The following KSR1 variants were observed in gnomAD, a reference collection of about 807,000 sequenced individuals.
KSR1 encodes the protein kinase suppressor of ras.
Under a neutral mutation model 92.9 loss-of-function variants are expected in KSR1, and 35 were observed. That is an observed-to-expected ratio of 0.38 (90% CI 0.29 to 0.50). The LOEUF (loss-of-function observed/expected upper bound fraction) is 0.50, where lower values mean the gene tolerates loss of function less well. KSR1 is among the 20% of genes least tolerant of loss of function. The pLI is 0.94. For synonymous variants in KSR1, 467 were observed against 472.6 expected (o/e 0.99, Z 0.15); for missense variants, 972 against 1,158.5 (o/e 0.84, Z 2.34).
chr17:27,527,249 C>T, intron 1 of KSR1: 1 of 215,030 alleles, frequency 4.7e-6, no homozygotes, highest in Non-Finnish European at 9.7e-6. Flanking sequence ...CCCTGGCCGC[C>T]AGCTATCCTG....
chr17:27,583,261 T>C lies in KSR1; in HGVS notation c.980+156T>C, dbSNP rs190099848. ...TTTCAGTCCATTCCTCAGACTACTTTAGTGGTGTGGGCTGAATCCTTCTAG... is the reference window on the plus strand; with the variant it reads ...TTTCAGTCCATTCCTCAGACTACTTCAGTGGTGTGGGCTGAATCCTTCTAG... On this transcript the variant is annotated intron_variant, in intron 4 of 20. Coordinates refer to ENST00000644974, the MANE Select transcript of KSR1 (RefSeq NM_001394583.1). Among the ~76,000 whole-genome samples, 18 of 152,370 alleles carry C rather than the reference T, an allele frequency of 1.2e-4. No individual in the cohort carries two copies. In the East Asian group the frequency reaches 3.3e-3, roughly 28 times the overall value.
chr17:27,617,651 C>A (rs567893034), intron 19 of KSR1: 21 of 503,508 alleles, frequency 4.2e-5, no homozygotes, highest in Non-Finnish European at 6.5e-5. Flanking sequence ...CCTCAGCCTC[C>A]CGAGTAGCTG....
In KSR1 at chr17:27,456,467, T is replaced by G. The variant is rs2019161922; in HGVS notation, c.-177T>G. 5.2e-6 allele frequency: 2 copies of G among 385,256 alleles called. No individual in the cohort carries two copies. The highest frequency in any genetic ancestry group is 9.1e-6 in the Non-Finnish European group (2 of 219,676). The allele number at this position is 385,256 out of a possible 1,614,324, so 23.9% of individuals were successfully genotyped here. ...CGTCGGGTCGCCGCGGCTTTCGCTT[T>G]GCTGCCGCGGCTGGGAGGGTGGAAG... On this transcript the variant is annotated 5_prime_UTR_variant, in exon 1 of 21. Transcript: ENST00000644974.
At chr17:27,491,603 A>T (rs1167033481) in intron 1 of KSR1, among the ~76,000 whole-genome samples, 1 of 152,104 alleles carries the variant, frequency 6.6e-6, no homozygotes, top group African/African-American at 2.4e-5. Context: ...TTTACTTTAT[A>T]GTTTTCCCCT....
At chr17:27,541,880 C>T (rs1401062052) in intron 1 of KSR1, among the ~76,000 whole-genome samples, 1 of 152,172 alleles carries the variant, frequency 6.6e-6, no homozygotes, top group African/African-American at 2.4e-5. Flanking sequence ...AGGCTGGACT[C>T]GATGGCAGGC....
Position 27,603,900 on chromosome 17 carries a change from T to G in KSR1, c.1565+12T>G. On this transcript the variant is annotated intron_variant, in intron 12 of 20. Coordinates refer to ENST00000644974, the MANE Select transcript of KSR1 (RefSeq NM_001394583.1). The stretch of plus-strand genomic sequence containing the variant: ...GCCGACGGTACCCGGTAGGCATCCC[T>G]AGGTGGTGTCCCCTTCGCTTCTTTG... 1.2e-6 allele frequency: 2 copies of G among 1,613,584 alleles called. No homozygotes were observed. Among genetic ancestry groups the G allele is most frequent in the Non-Finnish European group, 1.7e-6 (2 of 1,179,550 alleles).
chr17:27,467,240 C>G (rs1388186669), intron 1 of KSR1, among the ~76,000 whole-genome samples: 1 of 152,208 alleles, frequency 6.6e-6, no homozygotes, highest in Non-Finnish European at 1.5e-5. Context: ...CTCCGTCCAG[C>G]TGGAAAATCT....
chr17:27,534,452 T>C (rs1485218250), intron 1 of KSR1, among the ~76,000 whole-genome samples: 3 of 152,200 alleles, frequency 2.0e-5, no homozygotes, highest in Admixed American at 2.0e-4. Flanking sequence ...TCTTCAGCAA[T>C]AGACATCCCC....
intron 3 of KSR1, among the ~76,000 whole-genome samples, chr17:27,580,226 C>G (rs2072697102): frequency 6.6e-6 from 1 of 152,194 alleles, no homozygotes; most frequent in African/African-American, 2.4e-5. Context: ...ATCCTTTCAT[C>G]TGCTCAATAA....
intron 2 of KSR1, among the ~76,000 whole-genome samples, chr17:27,563,737 G>A (rs2071931637): frequency 6.6e-6 from 1 of 152,114 alleles, no homozygotes; most frequent in East Asian, 1.9e-4. Flanking sequence ...TCCTGTCTTA[G>A]CCCAGGGCCT....
chr17:27,606,976 C>T (rs377525554), intron 14 of KSR1, among the ~76,000 whole-genome samples: 17 of 152,036 alleles, frequency 1.1e-4, no homozygotes, highest in Non-Finnish European at 1.2e-4. Context: ...GGATTACAGC[C>T]GTGTGCCACC....
At chr17:27,517,392 G>A (rs1018158471) in intron 1 of KSR1, among the ~76,000 whole-genome samples, 2 of 152,052 alleles carry the variant, frequency 1.3e-5, no homozygotes, top group African/African-American at 4.8e-5. Context: ...GAGTGCAGTG[G>A]CGTGATCTCG....
intron 14 of KSR1, among the ~76,000 whole-genome samples, 191 bp from the exon 15 acceptor site, chr17:27,607,723 A>T (rs1169660254): frequency 6.6e-6 from 1 of 152,112 alleles, no homozygotes; most frequent in Non-Finnish European, 1.5e-5. Context: ...GTGTGGTGTC[A>T]TGTGTTTCTG....
intron 1 of KSR1, among the ~76,000 whole-genome samples, chr17:27,475,578 G>C (rs1299852153): frequency 6.6e-6 from 1 of 152,208 alleles, no homozygotes; most frequent in Non-Finnish European, 1.5e-5. Flanking sequence ...AGGAGATCAT[G>C]CTGGCACCTG....
Position 27,580,165 on chromosome 17 carries a change from G to GGCAAGCTTGCTCCCTTTGGTA in KSR1, c.521-2477_521-2457dup, listed in dbSNP as rs2072693484. Among the ~76,000 whole-genome samples the GGCAAGCTTGCTCCCTTTGGTA allele has an allele frequency of 3.3e-5, 5 of 152,110 alleles. No homozygotes were observed. The South Asian group carries it at 1.0e-3, about 32-fold the overall frequency. On this transcript the variant is annotated intron_variant, in intron 3 of 20. Transcript: ENST00000644974. ...AACTTTGGGGCTTGTTTCCTTTGGTGGCAAGCTTGCTCCCTTTGGTAGCAG... is the reference window on the plus strand; with the variant it reads ...AACTTTGGGGCTTGTTTCCTTTGGTGGCAAGCTTGCTCCCTTTGGTAGCAAGCTTGCTCCCTTTGGTAGCAG...
intron 5 of KSR1, among the ~76,000 whole-genome samples, chr17:27,586,220 A>AC (rs575715239): frequency 9.2e-4 from 139 of 151,572 alleles, no homozygotes; most frequent in African/African-American, 3.3e-3. Flanking sequence ...CCCCTTTCCC[A>AC]CCCCCACCTC....
intron 1 of KSR1, among the ~76,000 whole-genome samples, chr17:27,495,239 TCTC>T (rs2068946575): frequency 6.6e-6 from 1 of 152,166 alleles, no homozygotes; most frequent in African/African-American, 2.4e-5. Flanking sequence ...CGGCTGCTCC[TCTC>T]CTCCTCCCCT....
chr17:27,527,563 T>A (rs2070363407), intron 1 of KSR1, among the ~76,000 whole-genome samples: 1 of 152,130 alleles, frequency 6.6e-6, no homozygotes, highest in Non-Finnish European at 1.5e-5. Context: ...GCCTGGCTAA[T>A]TTTTGTATTT....
At chr17:27,560,531 T>C (rs1036154168) in intron 2 of KSR1, 11 of 516,990 alleles carry the variant, frequency 2.1e-5, no homozygotes, top group Admixed American at 2.0e-4. Context: ...CGTTCCTGTG[T>C]TTAAGATGAG....
Sources: allele counts gnomAD v4.1 joint callset (sites outside exome capture counted in the v4.1 genomes callset), GRCh38; gene constraint gnomAD v4.1.1; transcripts MANE v1.5; gene names NCBI Gene and HGNC (gene_info 2026-07-23, HGNC 2026-07-21).